Variants in PTPN9 observed in about 807,000 individuals in gnomAD.
PTPN9 encodes tyrosine-protein phosphatase non-receptor type 9.
Under a neutral mutation model 69.8 loss-of-function variants are expected in PTPN9, and 26 were observed. That is an observed-to-expected ratio of 0.37 (90% CI 0.27 to 0.52). The LOEUF (loss-of-function observed/expected upper bound fraction) is 0.52. Ranked by LOEUF, PTPN9 falls within the 20% of genes least tolerant of loss-of-function variation. The pLI, the probability that PTPN9 is intolerant of heterozygous loss-of-function variation, is 0.91. For missense variants in PTPN9, 549 were observed against 740.3 expected, an observed-to-expected ratio of 0.74 and a Z score of 3.00; for synonymous variants, 274 against 272.5, an observed-to-expected ratio of 1.01 and a Z score of -0.05.
intron 7 of PTPN9, among the ~76,000 whole-genome samples, chr15:75,503,081 C>T (rs2074782922): frequency 6.6e-6 from 1 of 151,958 alleles, no homozygotes; most frequent in South Asian, 2.1e-4. Context: ...TGAGGAGCGT[C>T]TCTGCCTGGC....
Position 75,519,087 on chromosome 15 carries a change from C to T in PTPN9, c.423-1723G>A, listed in dbSNP as rs757429148. Among the ~76,000 whole-genome samples the T allele has an allele frequency of 6.0e-4, 92 of 152,152 alleles. 1 individual carries two copies. Among genetic ancestry groups the T allele is most frequent in the Admixed American group, 1.0e-3 (16 of 15,268 alleles). On this transcript the variant is annotated intron_variant, in intron 4 of 12. Coordinates refer to ENST00000618819, the MANE Select transcript of PTPN9 (RefSeq NM_002833.4). ...GAAAATGTTTGGCACAAAACTCATT[C>T]CTGAAATCAGGAGTCTCAAAGTTAT...
intron 7 of PTPN9, among the ~76,000 whole-genome samples, chr15:75,502,744 G>A (rs966659004): frequency 2.0e-5 from 3 of 152,028 alleles, no homozygotes; most frequent in Non-Finnish European, 4.4e-5. Flanking sequence ...TAAATGTTAT[G>A]GGGAGAAACT....
At chr15:75,516,582 G>C (rs1349507480) in intron 5 of PTPN9, among the ~76,000 whole-genome samples, 5 of 151,568 alleles carry the variant, frequency 3.3e-5, no homozygotes, top group African/African-American at 1.2e-4. Flanking sequence ...AAAGTGCTGA[G>C]ATTACTGGTG....
chr15:75,490,665 C>T (rs1052520619), intron 7 of PTPN9, among the ~76,000 whole-genome samples: 6 of 151,986 alleles, frequency 3.9e-5, no homozygotes, highest in African/African-American at 1.4e-4. Flanking sequence ...CGCTCTGTTG[C>T]CCAGGCTGGA....
chr15:75,486,813 TTTGCTCTG>T (rs1274772048), intron 8 of PTPN9, among the ~76,000 whole-genome samples: 2 of 149,360 alleles, frequency 1.3e-5, no homozygotes, highest in Non-Finnish European at 3.0e-5. Context: ...AGACGGAGTC[TTTGCTCTG>T]TTGCCCAGGC....
At chr15:75,547,496 CA>C (rs967468132) in intron 1 of PTPN9, among the ~76,000 whole-genome samples, 4 of 151,418 alleles carry the variant, frequency 2.6e-5, no homozygotes, top group Non-Finnish European at 5.9e-5. Flanking sequence ...CAAAACAAGA[CA>C]AAAAAAACCT....
At chr15:75,526,408 C>A (rs900142175) in intron 2 of PTPN9, among the ~76,000 whole-genome samples, 6 of 152,016 alleles carry the variant, frequency 3.9e-5, no homozygotes, top group Non-Finnish European at 7.4e-5. Flanking sequence ...CAGATGTAAC[C>A]AAACTTCAGT....
chr15:75,575,993 G>A (rs2075171094), intron 1 of PTPN9, among the ~76,000 whole-genome samples: 1 of 151,658 alleles, frequency 6.6e-6, no homozygotes, highest in Non-Finnish European at 1.5e-5. Flanking sequence ...CAGCATTTTG[G>A]GAGGCCAAGG....
At chr15:75,504,225 C>T (rs1224644513) in intron 7 of PTPN9, among the ~76,000 whole-genome samples, 2 of 122,862 alleles carry the variant, frequency 1.6e-5, no homozygotes, top group Non-Finnish European at 1.7e-5. Flanking sequence ...GTCAGCCCCC[C>T]GCCCGGCCAG....
chr15:75,470,539 A>C, intron 11 of PTPN9, 141 bp downstream of exon 11: 1 of 1,023,766 alleles, frequency 9.8e-7, no homozygotes, highest in South Asian at 1.6e-5. Context: ...CTGTGAGTTA[A>C]ATATCCTCAT....
intron 7 of PTPN9, among the ~76,000 whole-genome samples, chr15:75,498,394 G>A (rs2074755088): frequency 6.6e-6 from 1 of 151,896 alleles, no homozygotes; most frequent in African/African-American, 2.4e-5. Context: ...GAATGGGGAG[G>A]TGGTGGGAAG....
At chr15:75,555,297 A>G (rs1366327240) in intron 1 of PTPN9, among the ~76,000 whole-genome samples, 1 of 152,028 alleles carries the variant, frequency 6.6e-6, no homozygotes, top group African/African-American at 2.4e-5. Flanking sequence ...CTGTACCTGA[A>G]TGTCTAAATT....
intron 1 of PTPN9, among the ~76,000 whole-genome samples, chr15:75,541,535 T>C (rs1401573121): frequency 6.7e-6 from 1 of 150,024 alleles, no homozygotes; most frequent in Non-Finnish European, 1.5e-5. Context: ...GCCTCCCCAG[T>C]AGCTGTAACT....
At chr15:75,554,897 C>A in intron 1 of PTPN9, among the ~76,000 whole-genome samples, 1 of 152,154 alleles carries the variant, frequency 6.6e-6, no homozygotes, top group East Asian at 1.9e-4. Flanking sequence ...CATGAGCTTC[C>A]CCCTATGGAA....
At chr15:75,576,539 G>T (rs1248186191) in intron 1 of PTPN9, among the ~76,000 whole-genome samples, 1 of 151,678 alleles carries the variant, frequency 6.6e-6, no homozygotes, top group Non-Finnish European at 1.5e-5. Context: ...GCCAGGCGCA[G>T]TAACTCACGA....
At chr15:75,541,699 C>A (rs1257165282) in intron 1 of PTPN9, among the ~76,000 whole-genome samples, 1 of 151,852 alleles carries the variant, frequency 6.6e-6, no homozygotes, top group African/African-American at 2.4e-5. Flanking sequence ...AGCCACTGCA[C>A]CTGGCCTTTA....
Position 75,469,803 on chromosome 15 carries a change from A to G in PTPN9, c.1556T>C (p.Ile519Thr). 1 of 1,612,762 alleles carries G rather than the reference A, an allele frequency of 6.2e-7. No individual in the cohort carries two copies. The highest frequency in any genetic ancestry group is 8.5e-7 in the Non-Finnish European group (1 of 1,179,962). ...ATTAGGTGCGTTACCTGTCCTGCCA[A>G]TGCCTGCACTGCAATGGACCACAAT... Reference protein sequence around the residue: ...PPIVVHCSAGIGRTGTFCSLD... With the variant: ...PPIVVHCSAGTGRTGTFCSLD... The change falls in exon 12 of 13, where the codon ATT becomes ACT. Residue 519 changes from isoleucine (I) to threonine (T), a missense_variant. This residue lies in a region of PTPN9 where 457 missense variants were observed against 661.9 expected (regional missense o/e 0.69). Coordinates refer to ENST00000618819, the MANE Select transcript of PTPN9 (RefSeq NM_002833.4).
intron 1 of PTPN9, among the ~76,000 whole-genome samples, chr15:75,571,496 G>A (rs1001601227): frequency 2.0e-5 from 3 of 152,130 alleles, no homozygotes; most frequent in Non-Finnish European, 2.9e-5. Context: ...GGTGGCTCAC[G>A]CCTGTACTCC....
chr15:75,487,909 T>A (rs2074687678), intron 8 of PTPN9: 1 of 152,162 alleles, frequency 6.6e-6, no homozygotes, highest in African/African-American at 2.4e-5. Context: ...ATATAACAAG[T>A]CCTTATAATG....
Sources: allele counts gnomAD v4.1 joint callset (sites outside exome capture counted in the v4.1 genomes callset), GRCh38; gene constraint gnomAD v4.1.1; regional missense constraint gnomAD v4.1.1; transcripts MANE v1.5; gene names NCBI Gene and HGNC (gene_info 2026-07-23, HGNC 2026-07-21).